The following DIAPH3 variants were observed in gnomAD, a reference collection of about 807,000 sequenced individuals.
DIAPH3 encodes protein diaphanous homolog 3.
DIAPH3 carries 117 observed loss-of-function variants against 144.3 expected under a neutral mutation model. The ratio of observed to expected loss-of-function variants is 0.81; its 90% CI spans 0.70 to 0.95. The LOEUF (loss-of-function observed/expected upper bound fraction) is 0.95. Among genes scored for constraint, DIAPH3 ranks in the 40% least tolerant of loss-of-function variants. The probability of loss-of-function intolerance (pLI) is 0.00; values close to 1 mark genes in which losing one functional copy is unlikely to be tolerated. For missense variants in DIAPH3, 1,421 were observed against 1,412.7 expected (o/e 1.01, Z -0.09); for synonymous variants, 519 against 488.9 (o/e 1.06, Z -0.81).
intron 27 of DIAPH3, among the ~76,000 whole-genome samples, chr13:59,750,902 A>T (rs1157775562): frequency 2.0e-5 from 3 of 152,220 alleles, no homozygotes; most frequent in African/African-American, 4.8e-5. Context: ...GGTTTTAAAC[A>T]GTCTTCTCTT....
chr13:59,692,022 G>A (rs911865155), intron 27 of DIAPH3, among the ~76,000 whole-genome samples: 2 of 151,154 alleles, frequency 1.3e-5, no homozygotes, highest in Non-Finnish European at 2.9e-5. Flanking sequence ...TTAGAATGTA[G>A]AATACCCCAT....
intron 2 of DIAPH3, among the ~76,000 whole-genome samples, chr13:60,129,078 G>A (rs1456321662): frequency 6.6e-6 from 1 of 152,068 alleles, no homozygotes; most frequent in Non-Finnish European, 1.5e-5. Context: ...TAGACAAATG[G>A]TTATGAAGGA....
At chr13:59,680,649 T>A (rs2032891506) in intron 27 of DIAPH3, among the ~76,000 whole-genome samples, 1 of 152,006 alleles carries the variant, frequency 6.6e-6, no homozygotes, top group South Asian at 2.1e-4. Flanking sequence ...CTGTCACCAA[T>A]CATTAAATTT....
intron 23 of DIAPH3, 52 bp from the exon 24 acceptor site, chr13:59,833,323 A>G (rs1163503103): frequency 7.0e-7 from 1 of 1,434,442 alleles, no homozygotes; most frequent in South Asian, 1.2e-5. Flanking sequence ...CTTTGGGGGC[A>G]GGGGGAACTC....
At chr13:60,019,992 T>C (rs2053902536) in intron 5 of DIAPH3, among the ~76,000 whole-genome samples, 1 of 152,184 alleles carries the variant, frequency 6.6e-6, no homozygotes, top group African/African-American at 2.4e-5. Flanking sequence ...TGAATTATAA[T>C]GGAATTAATC....
intron 27 of DIAPH3, among the ~76,000 whole-genome samples, chr13:59,721,755 T>C (rs2035357247): frequency 1.3e-5 from 2 of 152,136 alleles, no homozygotes; most frequent in Admixed American, 1.3e-4. Flanking sequence ...TGGAACAAAA[T>C]GTGGGTGGAT....
chr13:59,889,996 T>C (rs1227217542), intron 20 of DIAPH3, among the ~76,000 whole-genome samples: 1 of 152,118 alleles, frequency 6.6e-6, no homozygotes, highest in Non-Finnish European at 1.5e-5. Flanking sequence ...CTTATTTGAT[T>C]GAATGTCAAA....
intron 21 of DIAPH3, among the ~76,000 whole-genome samples, chr13:59,875,053 G>GA (rs774529998): frequency 2.1e-4 from 32 of 151,884 alleles, no homozygotes; most frequent in Non-Finnish European, 3.4e-4. Context: ...AAAATCCTTT[G>GA]AAAAAAATGA....
intron 20 of DIAPH3, among the ~76,000 whole-genome samples, chr13:59,883,172 C>T (rs1037199731): frequency 3.3e-5 from 5 of 152,138 alleles, no homozygotes; most frequent in African/African-American, 4.8e-5. Context: ...TAGCCCTTAT[C>T]GTTGAATTCT....
chr13:60,045,590 T>C lies in DIAPH3; in HGVS notation c.496-2770A>G, dbSNP rs530260174. On this transcript the variant is annotated intron_variant, in intron 4 of 27. Transcript: ENST00000400324. ...ACTTACTTAATTAGTCCCTGGCTCT[T>C]GGGCAAGTAGGTTGTTTACAATTTC... Among the ~76,000 whole-genome samples the C allele has an allele frequency of 5.9e-5, 9 of 152,304 alleles. No homozygotes were observed. The East Asian group carries it at 1.7e-3, about 29-fold the overall frequency.
intron 22 of DIAPH3, among the ~76,000 whole-genome samples, chr13:59,850,742 A>G (rs545508822): frequency 5.4e-4 from 82 of 151,880 alleles, no homozygotes; most frequent in Non-Finnish European, 9.7e-4. Flanking sequence ...AGAATACTAC[A>G]AACACCTCTA....
chr13:59,890,626 C>T (rs900661181), intron 20 of DIAPH3, among the ~76,000 whole-genome samples: 7 of 151,192 alleles, frequency 4.6e-5, no homozygotes, highest in African/African-American at 1.7e-4. Context: ...ACATGCTGTC[C>T]ACATACTGCT....
At chr13:59,921,509 T>A (rs908353518) in intron 18 of DIAPH3, among the ~76,000 whole-genome samples, 1 of 151,870 alleles carries the variant, frequency 6.6e-6, no homozygotes, top group African/African-American at 2.4e-5. Flanking sequence ...TAGAAACTTA[T>A]AACTTACCAA....
At chr13:60,117,184 A>C (rs185486707) in intron 2 of DIAPH3, among the ~76,000 whole-genome samples, 2 of 152,162 alleles carry the variant, frequency 1.3e-5, no homozygotes, top group African/African-American at 2.4e-5. Flanking sequence ...TTAGCACCTA[A>C]AACTCTGGGG....
chr13:59,670,037 C>T (rs1440608130), intron 27 of DIAPH3, among the ~76,000 whole-genome samples: 1 of 152,096 alleles, frequency 6.6e-6, no homozygotes, highest in Non-Finnish European at 1.5e-5. Context: ...TTTCTTTTAG[C>T]GTTTGGTCTT....
chr13:60,052,917 C>T (rs1370795339), intron 4 of DIAPH3, among the ~76,000 whole-genome samples: 2 of 133,316 alleles, frequency 1.5e-5, no homozygotes, highest in South Asian at 2.4e-4. Flanking sequence ...GCTGAGATCG[C>T]GCCACTGCAC....
chr13:60,087,078 G>C (rs962420201), intron 4 of DIAPH3, among the ~76,000 whole-genome samples: 5 of 152,100 alleles, frequency 3.3e-5, no homozygotes, highest in Non-Finnish European at 7.4e-5. Flanking sequence ...CAACGTAAAT[G>C]CTATGTAAAT....
intron 3 of DIAPH3, among the ~76,000 whole-genome samples, chr13:60,109,983 C>A (rs968867335): frequency 6.6e-6 from 1 of 152,124 alleles, no homozygotes; most frequent in Non-Finnish European, 1.5e-5. Flanking sequence ...AATTCAACAC[C>A]ACTTTTAAGA....
intron 17 of DIAPH3, among the ~76,000 whole-genome samples, chr13:59,925,736 A>T (rs1020160512): frequency 6.6e-6 from 1 of 151,930 alleles, no homozygotes; most frequent in Non-Finnish European, 1.5e-5. Context: ...CAGGTTTCCT[A>T]TTCTTTCTGA....
Sources: gnomAD v4.1 joint callset for allele counts (sites outside exome capture counted in the v4.1 genomes callset) on GRCh38, gnomAD v4.1.1 for gene constraint, MANE v1.5 for transcripts, NCBI Gene and HGNC (gene_info 2026-07-23, HGNC 2026-07-21) for gene names.